Variants in CERS6 observed in about 807,000 individuals in gnomAD.
CERS6 encodes ceramide synthase 6.
A neutral mutation model predicts 56.8 loss-of-function variants in CERS6; 26 were observed. The observed-to-expected ratio is 0.46, with a 90% CI of 0.34 to 0.63. CERS6 has a LOEUF of 0.63. Ranked by LOEUF, CERS6 falls within the 30% of genes least tolerant of loss-of-function variation. The probability of loss-of-function intolerance (pLI) is 0.01; values close to 1 mark genes in which losing one functional copy is unlikely to be tolerated. For missense variants in CERS6, 415 were observed against 467.5 expected (o/e 0.89, Z 1.04); for synonymous variants, 164 against 173.3 (o/e 0.95, Z 0.42).
At chr2:168,741,378 A>ATT (rs1683900245) in intron 8 of CERS6, among the ~76,000 whole-genome samples, 1 of 142,256 alleles carries the variant, frequency 7.0e-6, no homozygotes, top group African/African-American at 2.7e-5. Flanking sequence ...AGAATTAAAA[A>ATT]AAAAAAAAAA....
chr2:168,561,878 A>G (rs1372804240), intron 3 of CERS6, among the ~76,000 whole-genome samples: 1 of 152,190 alleles, frequency 6.6e-6, no homozygotes, highest in Non-Finnish European at 1.5e-5. Flanking sequence ...TATATCAATA[A>G]GGCTGTTAAA....
intron 4 of CERS6, among the ~76,000 whole-genome samples, chr2:168,673,437 A>G (rs926062740): frequency 6.6e-5 from 10 of 152,230 alleles, no homozygotes; most frequent in Admixed American, 1.3e-4. Context: ...AGGTCTCCCT[A>G]TGATGTCAAG....
At chr2:168,465,495 A>T (rs1228691552) in intron 1 of CERS6, among the ~76,000 whole-genome samples, 1 of 152,188 alleles carries the variant, frequency 6.6e-6, no homozygotes, top group East Asian at 1.9e-4. Context: ...TTAGGTTTCA[A>T]CGTGAATTTT....
chr2:168,478,530 A>G (rs919453096), intron 1 of CERS6, among the ~76,000 whole-genome samples: 1 of 152,202 alleles, frequency 6.6e-6, no homozygotes, highest in African/African-American at 2.4e-5. Flanking sequence ...CAAAGTGTGA[A>G]CCATAGACCA....
chr2:168,764,479 C>A (rs1400068031), intron 8 of CERS6, among the ~76,000 whole-genome samples: 3 of 152,080 alleles, frequency 2.0e-5, no homozygotes, highest in African/African-American at 7.2e-5. Flanking sequence ...GTCAAAAATC[C>A]TTCCAATACT....
chr2:168,702,565 T>A (rs1056156543), intron 6 of CERS6, among the ~76,000 whole-genome samples: 3 of 152,206 alleles, frequency 2.0e-5, no homozygotes, highest in African/African-American at 7.2e-5. Flanking sequence ...TTGGTAGTGA[T>A]ATTAACAAAT....
chr2:168,657,511 C>T (rs901506630), intron 4 of CERS6, among the ~76,000 whole-genome samples: 4 of 152,226 alleles, frequency 2.6e-5, no homozygotes, highest in Non-Finnish European at 4.4e-5. Context: ...CGGGGAGGCT[C>T]GGGCCACACA....
intron 3 of CERS6, among the ~76,000 whole-genome samples, chr2:168,620,261 G>A (rs1684437034): frequency 6.6e-6 from 1 of 151,914 alleles, no homozygotes; most frequent in Non-Finnish European, 1.5e-5. Context: ...AATAGATTTT[G>A]GGGACTCAGG....
chr2:168,685,261 G>A (rs1271878348), intron 4 of CERS6, among the ~76,000 whole-genome samples: 2 of 152,092 alleles, frequency 1.3e-5, no homozygotes, highest in African/African-American at 4.8e-5. Flanking sequence ...TATGTTTTAT[G>A]ATTCTTGTTC....
intron 1 of CERS6, among the ~76,000 whole-genome samples, chr2:168,520,243 CTG>C (rs1370076626): frequency 6.6e-6 from 1 of 152,100 alleles, no homozygotes; most frequent in Non-Finnish European, 1.5e-5. Context: ...TGAGAAGTGT[CTG>C]TTTATGTCCT....
chr2:168,660,032 G>C (rs1425961346), intron 4 of CERS6, among the ~76,000 whole-genome samples: 1 of 152,194 alleles, frequency 6.6e-6, no homozygotes, highest in Non-Finnish European at 1.5e-5. Flanking sequence ...TATGCTTTCT[G>C]TTGCCACTAT....
At chr2:168,688,782 C>T (rs975688659) in intron 4 of CERS6, among the ~76,000 whole-genome samples, 5 of 152,138 alleles carry the variant, frequency 3.3e-5, no homozygotes, top group Admixed American at 2.6e-4. Flanking sequence ...GGTCTGTGCC[C>T]CTGCCTCCGG....
At chr2:168,557,376 T>C (rs945507679) in intron 2 of CERS6, among the ~76,000 whole-genome samples, 3 of 152,218 alleles carry the variant, frequency 2.0e-5, no homozygotes, top group Non-Finnish European at 2.9e-5. Flanking sequence ...ATGATCTTCT[T>C]GAAAATACTA....
chr2:168,571,826 T>C (rs575954518), intron 3 of CERS6, among the ~76,000 whole-genome samples: 1 of 152,288 alleles, frequency 6.6e-6, no homozygotes, highest in East Asian at 1.9e-4. Flanking sequence ...ACAATCCAAT[T>C]ATACTCTTTT....
intron 4 of CERS6, among the ~76,000 whole-genome samples, chr2:168,659,832 A>G (rs1447721838): frequency 1.3e-5 from 2 of 152,184 alleles, no homozygotes; most frequent in Non-Finnish European, 2.9e-5. Context: ...TAAGGCAATC[A>G]CCCAGATGGA....
chr2:168,622,618 G>A (rs949319809), intron 3 of CERS6, among the ~76,000 whole-genome samples: 1 of 152,174 alleles, frequency 6.6e-6, no homozygotes, highest in East Asian at 1.9e-4. Flanking sequence ...ACCTTTGACT[G>A]GAGAATGAAA....
intron 3 of CERS6, among the ~76,000 whole-genome samples, chr2:168,583,341 G>A (rs141991855): frequency 1.1e-4 from 17 of 152,276 alleles, no homozygotes; most frequent in African/African-American, 4.1e-4. Flanking sequence ...GCTAAGAAAA[G>A]TGTGAGAGAA....
intron 1 of CERS6, among the ~76,000 whole-genome samples, chr2:168,458,432 C>T (rs1693716173): frequency 6.6e-6 from 1 of 152,238 alleles, no homozygotes; most frequent in South Asian, 2.1e-4. Flanking sequence ...TAGATTGTCT[C>T]TGCCTCTAAA....
intron 3 of CERS6, among the ~76,000 whole-genome samples, chr2:168,581,378 G>A (rs568248614): frequency 1.3e-5 from 2 of 152,138 alleles, no homozygotes; most frequent in East Asian, 1.9e-4. Context: ...AAATATTGCT[G>A]CTTCTCTACT....
Sources: allele counts gnomAD v4.1 joint callset (sites outside exome capture counted in the v4.1 genomes callset), GRCh38; gene constraint gnomAD v4.1.1; transcripts MANE v1.5; gene names NCBI Gene and HGNC (gene_info 2026-07-23, HGNC 2026-07-21).